The following FRMD5 variants were observed in gnomAD, a reference collection of about 807,000 sequenced individuals.
FRMD5 encodes the protein FERM domain-containing protein 5.
Under a neutral mutation model 69.0 loss-of-function variants are expected in FRMD5, and 20 were observed. That is an observed-to-expected ratio of 0.29 (90% CI 0.20 to 0.42). FRMD5 has a LOEUF of 0.42. FRMD5 is among the 10% of genes least tolerant of loss of function. FRMD5 has a pLI of 1.00. For synonymous variants in FRMD5, 271 were observed against 260.1 expected, an observed-to-expected ratio of 1.04 and a Z score of -0.40; for missense variants, 595 against 708.6, an observed-to-expected ratio of 0.84 and a Z score of 1.82.
At chr15:44,045,449 T>G (rs1207133291) in intron 1 of FRMD5, among the ~76,000 whole-genome samples, 1 of 152,094 alleles carries the variant, frequency 6.6e-6, no homozygotes, top group African/African-American at 2.4e-5. Flanking sequence ...ACTTAAATGA[T>G]TCATACCAAA....
In FRMD5 at chr15:43,874,118, C is replaced by T. The variant is rs201318014; in HGVS notation, c.1480G>A (p.Val494Met). The change falls in exon 14 of 14, where the codon GTG becomes ATG. Residue 494 changes from valine (V) to methionine (M), a missense_variant. Around this residue, in one of 5 missense-constraint regions of FRMD5, gnomAD observed 245 missense variants for 227.1 expected, o/e 1.08. Transcript: ENST00000417257. Reference protein sequence around the residue: ...QGHSGPEEEQVNKFVLSVLRL... With the variant: ...QGHSGPEEEQMNKFVLSVLRL... ...AGGACACTTAGAACAAACTTATTCACCTGTTCCTCCTCGGGCCCGCTGTGC... is the reference window on the plus strand; with the variant it reads ...AGGACACTTAGAACAAACTTATTCATCTGTTCCTCCTCGGGCCCGCTGTGC... 7.4e-6 allele frequency: 12 copies of T among 1,614,098 alleles called. No individual in the cohort carries two copies. The highest frequency in any genetic ancestry group is 4.2e-6 in the Non-Finnish European group (5 of 1,180,048).
In FRMD5 at chr15:44,017,384, T is replaced by C. The variant is rs80068008; in HGVS notation, c.103-93075A>G. Among the ~76,000 whole-genome samples the C allele has an allele frequency of 2.2e-3, 342 of 152,030 alleles. 2 individuals are homozygous for C. The highest frequency in any genetic ancestry group is 7.7e-3 in the African/African-American group (319 of 41,508). ...ATGTACCATGGCACCCGACCTCTGA[T>C]AGAATTTTTGAGATCAAATGAGATC... On this transcript the variant is annotated intron_variant, in intron 1 of 13. Transcript: ENST00000417257.
intron 1 of FRMD5, among the ~76,000 whole-genome samples, chr15:44,059,343 T>C (rs1243150597): frequency 6.6e-6 from 1 of 151,518 alleles, no homozygotes; most frequent in Non-Finnish European, 1.5e-5. Flanking sequence ...TATGATAGAG[T>C]CTGCATAGGT....
At chr15:44,114,954 G>A (rs760465282) in intron 1 of FRMD5, among the ~76,000 whole-genome samples, 21 of 152,202 alleles carry the variant, frequency 1.4e-4, no homozygotes, top group Non-Finnish European at 2.4e-4. Flanking sequence ...ACCCAAAGTT[G>A]TTAAATCTTC....
At chr15:44,041,504 T>C (rs1180245911) in intron 1 of FRMD5, among the ~76,000 whole-genome samples, 3 of 152,154 alleles carry the variant, frequency 2.0e-5, no homozygotes, top group Non-Finnish European at 4.4e-5. Context: ...ATCACACTTA[T>C]TCTAAAATTG....
chr15:44,148,857 A>T (rs1566971468), intron 1 of FRMD5, among the ~76,000 whole-genome samples: 1 of 152,200 alleles, frequency 6.6e-6, no homozygotes, highest in Non-Finnish European at 1.5e-5. Context: ...AATCCACAAT[A>T]TCTCAAAGGT....
At position 43,949,527 on chromosome 15, in the gene FRMD5, A is replaced by G. The variant is rs2089995030; in HGVS notation, c.103-25218T>C. 2.6e-5 allele frequency among the ~76,000 whole-genome samples: 4 copies of G among 152,298 alleles called. No homozygotes were observed. The South Asian group carries it at 8.3e-4, about 32-fold the overall frequency. On this transcript the variant is annotated intron_variant, in intron 1 of 13. Coordinates refer to ENST00000417257, the MANE Select transcript of FRMD5 (RefSeq NM_032892.5). ...GCTCAAAAAAACACTGAATTAAACA[A>G]ATGGTCCTAGAAGCCAGTCTCTGAA...
At chr15:43,876,956 C>T (rs894599698) in intron 13 of FRMD5, among the ~76,000 whole-genome samples, 1 of 151,058 alleles carries the variant, frequency 6.6e-6, no homozygotes, top group Non-Finnish European at 1.5e-5. Context: ...TCTCTCTTCC[C>T]AAGGTTCTCA....
intron 7 of FRMD5, among the ~76,000 whole-genome samples, chr15:43,900,461 G>A (rs2089017589): frequency 6.6e-6 from 1 of 152,186 alleles, no homozygotes; most frequent in African/African-American, 2.4e-5. Context: ...CTGTGCTAGT[G>A]GATAGGGAAC....
intron 2 of FRMD5, among the ~76,000 whole-genome samples, chr15:43,922,333 A>T (rs28377221): frequency 6.6e-6 from 1 of 152,178 alleles, no homozygotes; most frequent in Non-Finnish European, 1.5e-5. Flanking sequence ...CATTTTGTTA[A>T]GGATGAGATG....
chr15:44,138,890 G>T (rs1253774696), intron 1 of FRMD5, among the ~76,000 whole-genome samples: 1 of 152,176 alleles, frequency 6.6e-6, no homozygotes, highest in East Asian at 1.9e-4. Flanking sequence ...GTTCAGAATA[G>T]ACAAATCTAA....
intron 1 of FRMD5, among the ~76,000 whole-genome samples, chr15:44,098,538 A>G (rs7498054): frequency 1.9e-4 from 27 of 145,572 alleles, no homozygotes; most frequent in East Asian, 6.2e-4. Context: ...AAAAAAAAAA[A>G]AGAGAGAGAG....
intron 1 of FRMD5, among the ~76,000 whole-genome samples, chr15:44,172,032 G>A (rs2077813310): frequency 6.6e-6 from 1 of 151,086 alleles, no homozygotes; most frequent in Admixed American, 6.6e-5. Context: ...CCAAAGTGCT[G>A]GGATTACAGG....
intron 1 of FRMD5, among the ~76,000 whole-genome samples, chr15:44,082,071 T>C (rs1371291926): frequency 1.3e-5 from 2 of 152,014 alleles, no homozygotes; most frequent in Non-Finnish European, 2.9e-5. Context: ...TTTTCAAAAA[T>C]AAATTGAATT....
intron 1 of FRMD5, among the ~76,000 whole-genome samples, chr15:44,073,548 A>G (rs554550672): frequency 3.9e-5 from 6 of 152,338 alleles, no homozygotes; most frequent in African/African-American, 1.4e-4. Flanking sequence ...GCAAAACATC[A>G]TGGACATAGG....
At chr15:44,151,124 G>A (rs1424489546) in intron 1 of FRMD5, among the ~76,000 whole-genome samples, 1 of 151,792 alleles carries the variant, frequency 6.6e-6, no homozygotes, top group Non-Finnish European at 1.5e-5. Flanking sequence ...AGGACCGGGC[G>A]TGGTGGCTTA....
chr15:44,037,090 G>T (rs1416745033), intron 1 of FRMD5, among the ~76,000 whole-genome samples: 5 of 151,950 alleles, frequency 3.3e-5, no homozygotes, highest in Non-Finnish European at 7.4e-5. Flanking sequence ...CTACCCATCA[G>T]CCTGTCAACT....
chr15:44,124,798 G>T (rs779468279), intron 1 of FRMD5, among the ~76,000 whole-genome samples: 1 of 152,084 alleles, frequency 6.6e-6, no homozygotes, highest in African/African-American at 2.4e-5. Flanking sequence ...GAAAGAGAAC[G>T]GTTATAAAAA....
intron 1 of FRMD5, among the ~76,000 whole-genome samples, chr15:44,127,817 A>G (rs2077044051): frequency 6.6e-6 from 1 of 152,100 alleles, no homozygotes; most frequent in Admixed American, 6.6e-5. Flanking sequence ...GGCTGCAGGG[A>G]GTTGTGATCT....
Sources: gnomAD v4.1 joint callset for allele counts (sites outside exome capture counted in the v4.1 genomes callset) on GRCh38, gnomAD v4.1.1 for gene constraint, gnomAD v4.1.1 regional missense constraint, MANE v1.5 for transcripts, NCBI Gene and HGNC (gene_info 2026-07-23, HGNC 2026-07-21) for gene names.